CTBP2: variants seen among roughly 807,000 people sequenced by gnomAD.
CTBP2 encodes the protein C-terminal-binding protein 2.
A neutral mutation model predicts 80.3 loss-of-function variants in CTBP2; 30 were observed. That is an observed-to-expected ratio of 0.37 (90% confidence interval 0.28 to 0.51). The LOEUF (loss-of-function observed/expected upper bound fraction) is 0.51, where lower values mean the gene tolerates loss of function less well. CTBP2 is among the 20% of genes least tolerant of loss of function. The probability of loss-of-function intolerance (pLI) is 0.93; values close to 1 mark genes in which losing one functional copy is unlikely to be tolerated. For missense variants in CTBP2, 1,212 were observed against 1,375.3 expected, an observed-to-expected ratio of 0.88 and a Z score of 1.88; for synonymous variants, 594 against 587.4, an observed-to-expected ratio of 1.01 and a Z score of -0.16.
chr10:125,099,668 G>A (rs1005387349), intron 2 of CTBP2, among the ~76,000 whole-genome samples: 12 of 152,240 alleles, frequency 7.9e-5, no homozygotes, highest in African/African-American at 1.2e-4. Flanking sequence ...AAAACCCATG[G>A]CTAAAGGAGA....
chr10:125,146,918 C>T lies in CTBP2; in HGVS notation c.-206+13401G>A, dbSNP rs186551658. Among the ~76,000 whole-genome samples the T allele has an allele frequency of 2.0e-5, 3 of 152,288 alleles. No homozygotes were observed. The East Asian group carries it at 5.8e-4, about 29-fold the overall frequency. On this transcript the variant is annotated intron_variant, in intron 1 of 10. Transcript: ENST00000337195. The stretch of plus-strand genomic sequence containing the variant: ...CCTAGGAGGACATGATTAATTACCA[C>T]CCCATTGCCAGGGCCTGGGGTCAGG...
intron 1 of CTBP2, among the ~76,000 whole-genome samples, chr10:125,023,738 A>G (rs1325665112): frequency 6.6e-6 from 1 of 152,174 alleles, no homozygotes; most frequent in African/African-American, 2.4e-5. Flanking sequence ...AAAACCCACC[A>G]AGATAAGGCA....
chr10:125,037,343 T>C (rs552082915), intron 3 of CTBP2, among the ~76,000 whole-genome samples: 1 of 152,308 alleles, frequency 6.6e-6, no homozygotes, highest in East Asian at 1.9e-4. Context: ...CCCTGGAGAA[T>C]CCTGGGTGCA....
chr10:125,026,192 G>A lies in CTBP2; in HGVS notation c.1568C>T (p.Thr523Ile). 6.2e-7 allele frequency: 1 copy of A among 1,612,636 alleles called. No homozygotes were observed. Among genetic ancestry groups the A allele is most frequent in the Non-Finnish European group, 8.5e-7 (1 of 1,179,154 alleles). ...GAGGCTCTGGCTGGCCGGCGGCAGG[G>A]TGGATGGCCCCAGGGGTGCACCTGG... The change falls in exon 1 of 9, where the codon ACC (threonine) becomes ATC (isoleucine). Residue 523 changes from threonine (T) to isoleucine (I), a missense_variant. Coordinates refer to ENST00000309035, the MANE Select transcript of CTBP2 (RefSeq NM_022802.3).
chr10:125,012,621 A>G (rs1301879610), intron 1 of CTBP2, among the ~76,000 whole-genome samples: 1 of 152,230 alleles, frequency 6.6e-6, no homozygotes, highest in Non-Finnish European at 1.5e-5. Context: ...GCCTCAGGGC[A>G]TCGCCAAAGA....
chr10:125,051,659 CAAAA>C (rs11335150), intron 2 of CTBP2, among the ~76,000 whole-genome samples: 1 of 139,442 alleles, frequency 7.2e-6, no homozygotes, highest in African/African-American at 2.6e-5. Context: ...ACCAACCAAC[CAAAA>C]AAAAAAAAAA....
intron 2 of CTBP2, among the ~76,000 whole-genome samples, chr10:125,072,572 C>T (rs1461013431): frequency 1.4e-5 from 2 of 140,218 alleles, no homozygotes; most frequent in East Asian, 2.3e-4. Context: ...GCCAGGATTG[C>T]ACCACTGCAC....
chr10:125,115,772 G>A (rs1853149744), intron 1 of CTBP2, among the ~76,000 whole-genome samples: 1 of 152,150 alleles, frequency 6.6e-6, no homozygotes, highest in South Asian at 2.1e-4. Context: ...CATCCCAAGC[G>A]TTCCCCTCCC....
intron 3 of CTBP2, among the ~76,000 whole-genome samples, chr10:125,037,802 C>T (rs1959041888): frequency 6.6e-6 from 1 of 152,172 alleles, no homozygotes; most frequent in Non-Finnish European, 1.5e-5. Context: ...ATAGGTAGTC[C>T]AGAGTAAAGT....
At chr10:125,145,920 ATT>A (rs112934983) in intron 1 of CTBP2, among the ~76,000 whole-genome samples, 5 of 141,852 alleles carry the variant, frequency 3.5e-5, no homozygotes, top group African/African-American at 7.7e-5. Context: ...TCCAAGTGAG[ATT>A]TTTTTTTTTT....
chr10:125,052,259 G>C (rs897240649), intron 2 of CTBP2, among the ~76,000 whole-genome samples: 1 of 152,188 alleles, frequency 6.6e-6, no homozygotes, highest in African/African-American at 2.4e-5. Flanking sequence ...TTTATGGGGA[G>C]AGGCAACCTT....
chr10:125,056,684 CCA>C (rs976462753), intron 2 of CTBP2, among the ~76,000 whole-genome samples: 1 of 152,252 alleles, frequency 6.6e-6, no homozygotes, highest in African/African-American at 2.4e-5. Flanking sequence ...TCTAGAACGG[CCA>C]CAGAGTCAGG....
intron 1 of CTBP2, among the ~76,000 whole-genome samples, chr10:125,129,323 G>C (rs982809096): frequency 6.6e-6 from 1 of 152,050 alleles, no homozygotes; most frequent in Non-Finnish European, 1.5e-5. Context: ...AGGTATGTGC[G>C]TGTGTTAGAA....
chr10:125,074,102 C>G (rs1167541036), intron 2 of CTBP2, among the ~76,000 whole-genome samples: 1 of 152,202 alleles, frequency 6.6e-6, no homozygotes, highest in East Asian at 1.9e-4. Flanking sequence ...GTTCATAAGC[C>G]TGGCCTCTAC....
chr10:125,077,769 C>A (rs559288054), intron 2 of CTBP2, among the ~76,000 whole-genome samples: 1 of 152,262 alleles, frequency 6.6e-6, no homozygotes, highest in South Asian at 2.1e-4. Context: ...CCCACGGGAC[C>A]CCTGGCCCTC....
At position 125,027,105 on chromosome 10, in the gene CTBP2, T is replaced by C. The variant is rs747547586; in HGVS notation, c.655A>G (p.Ile219Val). 4 of 1,609,788 alleles carry C rather than the reference T, an allele frequency of 2.5e-6. No individual in the cohort carries two copies. The highest frequency in any genetic ancestry group is 3.4e-6 in the Non-Finnish European group (4 of 1,177,294). The change falls in exon 1 of 9, where the codon ATT (isoleucine) becomes GTT (valine). Residue 219 changes from isoleucine to valine, a missense_variant. Ile to Val is a conservative substitution (Grantham distance 29, BLOSUM62 3). This residue lies in a region of CTBP2 where 848 missense variants were observed against 782.3 expected (regional missense o/e 1.08). Coordinates refer to ENST00000309035, the MANE Select transcript of CTBP2 (RefSeq NM_022802.3). The stretch of plus-strand genomic sequence containing the variant: ...ACCTGTCTGGCAGGGGCAGGGTCAA[T>C]GGGTCTTTCGCTGATGTCGCTGAAG...
chr10:125,056,392 T>C (rs923438883), intron 2 of CTBP2, among the ~76,000 whole-genome samples: 1 of 152,160 alleles, frequency 6.6e-6, no homozygotes, highest in African/African-American at 2.4e-5. Flanking sequence ...AGCACAGATG[T>C]CTGTCAGCTC....
At chr10:125,121,938 G>T (rs1402447639) in intron 1 of CTBP2, among the ~76,000 whole-genome samples, 1 of 152,180 alleles carries the variant, frequency 6.6e-6, no homozygotes, top group Non-Finnish European at 1.5e-5. Flanking sequence ...CTCTTACCAG[G>T]GGAATCTGGG....
chr10:125,036,979 A>G (rs1958969916), intron 3 of CTBP2, among the ~76,000 whole-genome samples: 1 of 152,176 alleles, frequency 6.6e-6, no homozygotes, highest in African/African-American at 2.4e-5. Flanking sequence ...GTACTTAATG[A>G]GATGCCTAGG....
Sources: allele counts gnomAD v4.1 joint callset (sites outside exome capture counted in the v4.1 genomes callset), GRCh38; gene constraint gnomAD v4.1.1; regional missense constraint gnomAD v4.1.1; transcripts MANE v1.5; gene names NCBI Gene and HGNC (gene_info 2026-07-23, HGNC 2026-07-21).